Variants in DNAH7 observed in about 807,000 individuals in gnomAD.
DNAH7 encodes the protein axonemal beta dynein heavy chain 7.
A neutral mutation model predicts 444.6 loss-of-function variants in DNAH7; 397 were observed. The ratio of observed to expected loss-of-function variants is 0.89; its 90% CI spans 0.82 to 0.97. The LOEUF is 0.97. DNAH7 is among the 50% of genes least tolerant of loss of function. The pLI, the probability that DNAH7 is intolerant of heterozygous loss-of-function variation, is 0.00. For synonymous variants in DNAH7, 1,636 were observed against 1,624.4 expected, an observed-to-expected ratio of 1.01 and a Z score of -0.17; for missense variants, 4,902 against 4,800.8, an observed-to-expected ratio of 1.02 and a Z score of -0.62.
At chr2:195,979,713 C>T (rs889065736) in intron 15 of DNAH7, among the ~76,000 whole-genome samples, 1 of 151,760 alleles carries the variant, frequency 6.6e-6, no homozygotes, top group Non-Finnish European at 1.5e-5. Flanking sequence ...CATTGACATA[C>T]CTTTAGCCAG....
intron 48 of DNAH7, among the ~76,000 whole-genome samples, chr2:195,829,331 CTTTT>C (rs145860542): frequency 0.035 from 5,244 of 151,822 alleles, 436 homozygotes; most frequent in East Asian, 0.33. Context: ...TGTTTCCTTT[CTTTT>C]TTTGTTTTTG....
intron 5 of DNAH7, among the ~76,000 whole-genome samples, chr2:196,039,120 CAT>C (rs1696571135): frequency 6.6e-6 from 1 of 152,114 alleles, no homozygotes; most frequent in African/African-American, 2.4e-5. Flanking sequence ...GGTTAGACCA[CAT>C]GTTAGGCCAC....
intron 5 of DNAH7, among the ~76,000 whole-genome samples, chr2:196,045,591 A>G (rs968905957): frequency 1.3e-5 from 2 of 152,152 alleles, no homozygotes; most frequent in Admixed American, 1.3e-4. Context: ...GAAATATTAA[A>G]CAATAATCAC....
At chr2:195,990,862 CATAT>C (rs1243962571) in intron 12 of DNAH7, among the ~76,000 whole-genome samples, 2 of 124,938 alleles carry the variant, frequency 1.6e-5, no homozygotes, top group Non-Finnish European at 1.6e-5. Context: ...AATATATATA[CATAT>C]ATACTTAAAT....
intron 61 of DNAH7, among the ~76,000 whole-genome samples, chr2:195,763,166 T>C (rs1203865416): frequency 6.6e-6 from 1 of 152,062 alleles, no homozygotes; most frequent in Non-Finnish European, 1.5e-5. Flanking sequence ...AAACACATGA[T>C]AATGGAAATG....
At chr2:195,810,935 T>C (rs1468845391) in intron 51 of DNAH7, among the ~76,000 whole-genome samples, 2 of 152,192 alleles carry the variant, frequency 1.3e-5, no homozygotes, top group African/African-American at 4.8e-5. Flanking sequence ...TGACTCACAT[T>C]TGGTCTTTTC....
At position 195,775,834 on chromosome 2, in the gene DNAH7, C is replaced by G. The variant is rs1181546518; in HGVS notation, c.11202+12G>C. ...CAGGCCTCAGAATCCAGGTCCTATACAGATCACACACCTGTGTAAGAAGAA... is the reference window on the plus strand; with the variant it reads ...CAGGCCTCAGAATCCAGGTCCTATAGAGATCACACACCTGTGTAAGAAGAA... On this transcript the variant is annotated intron_variant, in intron 60 of 64. Transcript: ENST00000312428. 7 of 1,613,040 alleles carry G rather than the reference C, an allele frequency of 4.3e-6. No homozygotes were observed. Among genetic ancestry groups the G allele is most frequent in the Admixed American group, 1.7e-5 (1 of 59,980 alleles).
At chr2:195,790,632 AGCCATAT>A (rs1236907185) in intron 57 of DNAH7, among the ~76,000 whole-genome samples, 3 of 152,196 alleles carry the variant, frequency 2.0e-5, no homozygotes, top group African/African-American at 7.2e-5. Flanking sequence ...ATAGCTGGCT[AGCCATAT>A]GCAGAAGAAT....
intron 47 of DNAH7, 133 bp downstream of exon 47, chr2:195,844,869 A>G (rs1186036381): frequency 2.9e-6 from 2 of 695,124 alleles, no homozygotes; most frequent in Non-Finnish European, 4.7e-6. Context: ...GTGATTACTC[A>G]TACTTAATTT....
At chr2:195,778,335 C>T (rs907581366) in intron 58 of DNAH7, among the ~76,000 whole-genome samples, 2 of 151,636 alleles carry the variant, frequency 1.3e-5, no homozygotes, top group Middle Eastern at 3.4e-3. Context: ...ACATGCAAAG[C>T]AGATAGAGTG....
At chr2:195,857,891 A>T (rs1404730407) in intron 43 of DNAH7, among the ~76,000 whole-genome samples, 168 bp from the exon 44 acceptor site, 1 of 152,178 alleles carries the variant, frequency 6.6e-6, no homozygotes, top group East Asian at 1.9e-4. Flanking sequence ...CCCACCCAAA[A>T]GTTTAGCCAA....
intron 37 of DNAH7, 33 bp downstream of exon 37, chr2:195,876,511 A>C (rs1701065371): frequency 6.3e-7 from 1 of 1,599,938 alleles, no homozygotes; most frequent in Non-Finnish European, 8.5e-7. Context: ...AATGTATATG[A>C]ATAGGCCCGG....
At chr2:195,982,638 C>A (rs1692650399) in intron 15 of DNAH7, among the ~76,000 whole-genome samples, 1 of 152,084 alleles carries the variant, frequency 6.6e-6, no homozygotes, top group African/African-American at 2.4e-5. Flanking sequence ...CAGTACTATT[C>A]AGTTATAAAA....
chr2:195,973,525 A>G (rs1188948459), intron 15 of DNAH7, among the ~76,000 whole-genome samples: 1 of 151,976 alleles, frequency 6.6e-6, no homozygotes, highest in Non-Finnish European at 1.5e-5. Context: ...AGACTGGAGT[A>G]CAGTGGCACA....
chr2:195,830,360 C>T (rs964435216), intron 48 of DNAH7, among the ~76,000 whole-genome samples: 3 of 152,134 alleles, frequency 2.0e-5, no homozygotes, highest in Non-Finnish European at 2.9e-5. Context: ...TTTCAAATTT[C>T]TCTTGCATGT....
chr2:195,839,001 A>G (rs1236610185), intron 47 of DNAH7, among the ~76,000 whole-genome samples: 1 of 151,992 alleles, frequency 6.6e-6, no homozygotes, highest in Non-Finnish European at 1.5e-5. Context: ...TATTGAAGCC[A>G]TGAACAACAG....
At position 195,864,689 on chromosome 2, in the gene DNAH7, G is replaced by GTGC. The variant is rs758460387; in HGVS notation, c.6963_6965dup (p.Glu2321_His2322insGln). ...TCAGGATCCTGGAAATTCTGCTGAT[G>GTGC]TGCTCTATGGCAAATCGAAACAAGA... On this transcript the variant is annotated inframe_insertion, in exon 41 of 65. Coordinates refer to ENST00000312428, the MANE Select transcript of DNAH7 (RefSeq NM_018897.3). 2 of 1,614,202 alleles carry GTGC rather than the reference G, an allele frequency of 1.2e-6. No individual in the cohort carries two copies. The highest frequency in any genetic ancestry group is 2.2e-5 in the East Asian group (1 of 44,882).
At chr2:196,007,348 T>A (rs532505730) in intron 10 of DNAH7, among the ~76,000 whole-genome samples, 1 of 152,180 alleles carries the variant, frequency 6.6e-6, no homozygotes, top group Non-Finnish European at 1.5e-5. Flanking sequence ...CAAATGGTGC[T>A]CAGACTACCA....
At chr2:195,747,939 C>G (rs1693530585) in intron 63 of DNAH7, among the ~76,000 whole-genome samples, 1 of 152,194 alleles carries the variant, frequency 6.6e-6, no homozygotes, top group African/African-American at 2.4e-5. Context: ...CAGGGATGCC[C>G]TCTCTCACCA....
Sources: allele counts gnomAD v4.1 joint callset (sites outside exome capture counted in the v4.1 genomes callset), GRCh38; gene constraint gnomAD v4.1.1; transcripts MANE v1.5; gene names NCBI Gene and HGNC (gene_info 2026-07-23, HGNC 2026-07-21).